SAMD12: variants seen among roughly 807,000 people sequenced by gnomAD.
SAMD12 encodes the protein sterile alpha motif domain containing 12.
SAMD12 carries 9 observed loss-of-function variants against 15.0 expected under a neutral mutation model. The observed-to-expected ratio is 0.60, with a 90% confidence interval of 0.36 to 1.05. The LOEUF (loss-of-function observed/expected upper bound fraction) is 1.05. Ranked by LOEUF, SAMD12 falls within the 50% of genes least tolerant of loss-of-function variation. The pLI, the probability that SAMD12 is intolerant of heterozygous loss-of-function variation, is 0.01. For missense variants in SAMD12, 230 were observed against 234.2 expected, an observed-to-expected ratio of 0.98 and a Z score of 0.12; for synonymous variants, 86 against 90.1, an observed-to-expected ratio of 0.96 and a Z score of 0.25.
intron 4 of SAMD12, among the ~76,000 whole-genome samples, chr8:118,252,428 A>G (rs1291754336): frequency 6.6e-6 from 1 of 152,164 alleles, no homozygotes; most frequent in Non-Finnish European, 1.5e-5. Context: ...GAGGTCCCAC[A>G]GCTTGTCATT....
chr8:118,226,343 G>A (rs4876805), intron 4 of SAMD12, among the ~76,000 whole-genome samples: 41,356 of 152,032 alleles, frequency 0.27, 7,182 homozygotes, highest in African/African-American at 0.5. Flanking sequence ...GCCTCATACC[G>A]AACCCAGATT....
intron 1 of SAMD12, among the ~76,000 whole-genome samples, chr8:118,594,849 G>A (rs916311660): frequency 3.3e-5 from 5 of 152,082 alleles, no homozygotes; most frequent in Admixed American, 6.5e-5. Flanking sequence ...AGCATCCTTC[G>A]TGATGCAATT....
intron 4 of SAMD12, among the ~76,000 whole-genome samples, chr8:118,314,685 T>C (rs1179860187): frequency 6.6e-6 from 1 of 152,160 alleles, no homozygotes; most frequent in African/African-American, 2.4e-5. Flanking sequence ...CTCAGCATAA[T>C]TCCCTTGAGA....
intron 2 of SAMD12, among the ~76,000 whole-genome samples, chr8:118,515,028 GTTT>G (rs1240780053): frequency 9.1e-6 from 1 of 109,846 alleles, no homozygotes; most frequent in Non-Finnish European, 2.0e-5. Context: ...TTGTTTGTTT[GTTT>G]GTTTTGAGAC....
intron 2 of SAMD12, among the ~76,000 whole-genome samples, chr8:118,495,141 G>A (rs1314938483): frequency 2.0e-5 from 3 of 152,192 alleles, no homozygotes; most frequent in Admixed American, 2.0e-4. Flanking sequence ...CTAGTGGAAG[G>A]TGTTAAAGAA....
chr8:118,490,693 C>T (rs1332710436), intron 2 of SAMD12, among the ~76,000 whole-genome samples: 1 of 152,124 alleles, frequency 6.6e-6, no homozygotes, highest in African/African-American at 2.4e-5. Context: ...ATCTTCAAGG[C>T]CCAAGGCCAC....
At chr8:118,504,906 T>C (rs2131049933) in intron 2 of SAMD12, among the ~76,000 whole-genome samples, 1 of 152,328 alleles carries the variant, frequency 6.6e-6, no homozygotes, top group South Asian at 2.1e-4. Context: ...ACAGCAGGCC[T>C]GGCTGTTAAT....
intron 2 of SAMD12, among the ~76,000 whole-genome samples, chr8:118,562,471 A>G (rs1826730555): frequency 6.6e-6 from 1 of 152,208 alleles, no homozygotes; most frequent in Non-Finnish European, 1.5e-5. Context: ...TAGGCAGGAA[A>G]CCAGGTTACA....
At chr8:118,354,122 T>C (rs537933735) in intron 4 of SAMD12, among the ~76,000 whole-genome samples, 1 of 152,364 alleles carries the variant, frequency 6.6e-6, no homozygotes, top group East Asian at 1.9e-4. Context: ...TTCTTTGAAT[T>C]CTCTTTAGAT....
At chr8:118,366,866 TAA>T (rs1365864025) in intron 4 of SAMD12, among the ~76,000 whole-genome samples, 4 of 111,644 alleles carry the variant, frequency 3.6e-5, no homozygotes, top group African/African-American at 1.2e-4. Context: ...TAAAATAAAA[TAA>T]AATAAAATAA....
intron 3 of SAMD12, among the ~76,000 whole-genome samples, chr8:118,425,969 C>G (rs146207098): frequency 1.1e-4 from 16 of 152,204 alleles, no homozygotes; most frequent in Admixed American, 5.9e-4. Flanking sequence ...TGCCCCTGTA[C>G]AAATCAGTTT....
intron 4 of SAMD12, among the ~76,000 whole-genome samples, chr8:118,367,169 C>A (rs1818846637): frequency 6.6e-6 from 1 of 151,838 alleles, no homozygotes; most frequent in Non-Finnish European, 1.5e-5. Context: ...TGGTGGTCCC[C>A]CCAAAAAAGG....
At chr8:118,393,539 C>T (rs1820398463) in intron 3 of SAMD12, among the ~76,000 whole-genome samples, 2 of 151,878 alleles carry the variant, frequency 1.3e-5, no homozygotes, top group African/African-American at 4.8e-5. Context: ...TGTGAGCCAC[C>T]ACTAGAGAAA....
chr8:118,402,911 G>T (rs1273599092), intron 3 of SAMD12, among the ~76,000 whole-genome samples: 1 of 152,130 alleles, frequency 6.6e-6, no homozygotes, highest in Non-Finnish European at 1.5e-5. Flanking sequence ...CAAAAAATCT[G>T]ATGCTAAAAA....
intron 2 of SAMD12, among the ~76,000 whole-genome samples, chr8:118,527,269 TC>T (rs1163158100): frequency 2.0e-5 from 3 of 152,194 alleles, no homozygotes; most frequent in Non-Finnish European, 2.9e-5. Context: ...GCAACCCTCA[TC>T]ATGTTTCTCT....
rs562411068 is a variant in SAMD12, at chr8:118,603,590, T to C, written c.13+18214A>G. Among the ~76,000 whole-genome samples, 4 of 152,332 alleles carry C rather than the reference T, an allele frequency of 2.6e-5. No homozygotes were observed. The East Asian group carries it at 5.8e-4, about 22-fold the overall frequency. ...TCAGATATGCAAGTTCTCAAAACTA[T>C]GCTTCCCAGCTAGCTTTTCTCAGGA... On this transcript the variant is annotated intron_variant, in intron 1 of 3. Coordinates refer to ENST00000314727, the MANE Select transcript of SAMD12 (RefSeq NM_207506.3).
In SAMD12 at chr8:118,378,631, T is replaced by C. The variant is rs1819506609; in HGVS notation, c.*786A>G. 1.0e-6 allele frequency: 1 copy of C among 985,054 alleles called. No homozygotes were observed. The highest frequency in any genetic ancestry group is 6.2e-5 in the Admixed American group (1 of 16,252). The allele number at this position is 985,054 out of a possible 1,614,324, so 61.0% of individuals were successfully genotyped here. On this transcript the variant is annotated 3_prime_UTR_variant, in exon 4 of 4. Coordinates refer to ENST00000314727, the MANE Select transcript of SAMD12 (RefSeq NM_207506.3). ...TTCTCCAATATCGGTATGCATGCAATTACAATATTCTGCAGAATGACAAAT... is the reference window on the plus strand; with the variant it reads ...TTCTCCAATATCGGTATGCATGCAACTACAATATTCTGCAGAATGACAAAT...
chr8:118,204,034 G>T (rs1216387913), intron 4 of SAMD12, among the ~76,000 whole-genome samples: 2 of 151,634 alleles, frequency 1.3e-5, no homozygotes, highest in Non-Finnish European at 2.9e-5. Flanking sequence ...AGGAAATAAG[G>T]CTAATTTCAA....
Position 118,438,380 on chromosome 8 carries a change from A to AT in SAMD12, c.322+1451dup, listed in dbSNP as rs569665436. On this transcript the variant is annotated intron_variant, in intron 3 of 3. Transcript: ENST00000314727. ...GGAATCTAGGATCATCTAGCTCAGC[A>AT]TTTTTTTTAAAACATTTAGTGCTTA... Among the ~76,000 whole-genome samples the AT allele has an allele frequency of 7.2e-4, 109 of 151,170 alleles. No individual in the cohort carries two copies. In the Middle Eastern group the frequency reaches 0.024, roughly 33 times the overall value.
Sources: allele counts gnomAD v4.1 joint callset (sites outside exome capture counted in the v4.1 genomes callset), GRCh38; gene constraint gnomAD v4.1.1; transcripts MANE v1.5; gene names NCBI Gene and HGNC (gene_info 2026-07-23, HGNC 2026-07-21).